AGBL3: variants seen among roughly 807,000 people sequenced by gnomAD.
AGBL3 encodes the protein AGBL carboxypeptidase 3, also known as cytosolic carboxypeptidase 3.
Under a neutral mutation model 94.5 loss-of-function variants are expected in AGBL3, and 68 were observed. The observed-to-expected ratio is 0.72, with a 90% CI of 0.59 to 0.88. The LOEUF (loss-of-function observed/expected upper bound fraction) is 0.88, where lower values mean the gene tolerates loss of function less well. Among genes scored for constraint, AGBL3 ranks in the 40% least tolerant of loss-of-function variants. AGBL3 has a pLI of 0.00. For synonymous variants in AGBL3, 354 were observed against 370.7 expected (o/e 0.95, Z 0.52); for missense variants, 934 against 1,103.8 (o/e 0.85, Z 2.18).
intron 8 of AGBL3, among the ~76,000 whole-genome samples, chr7:135,043,713 C>T (rs1020486672): frequency 4.6e-5 from 7 of 151,962 alleles, no homozygotes; most frequent in African/African-American, 1.7e-4. Context: ...TATAAACTTA[C>T]TATGTACCCA....
At chr7:135,017,589 A>C (rs944160750) in intron 5 of AGBL3, among the ~76,000 whole-genome samples, 2 of 152,180 alleles carry the variant, frequency 1.3e-5, no homozygotes, top group Non-Finnish European at 2.9e-5. Flanking sequence ...CAACTGCCCC[A>C]CTTTGCAAAA....
At chr7:135,111,871 T>A (rs1481335682) in intron 15 of AGBL3, among the ~76,000 whole-genome samples, 1 of 152,214 alleles carries the variant, frequency 6.6e-6, no homozygotes, top group Admixed American at 6.5e-5. Context: ...TCATATTTTT[T>A]AATCTTCAGT....
chr7:135,093,903 G>C (rs1822242801), intron 15 of AGBL3: 1 of 157,728 alleles, frequency 6.3e-6, no homozygotes, highest in African/African-American at 2.4e-5. Flanking sequence ...TAAACATATA[G>C]ATAAATGAAA....
At chr7:135,024,322 G>C (rs1814848500) in intron 5 of AGBL3, among the ~76,000 whole-genome samples, 1 of 152,176 alleles carries the variant, frequency 6.6e-6, no homozygotes, top group Admixed American at 6.5e-5. Flanking sequence ...GAGCTTCTCT[G>C]CTGGCCATTA....
chr7:135,017,980 G>GA (rs1037149188), intron 5 of AGBL3, among the ~76,000 whole-genome samples: 8 of 152,238 alleles, frequency 5.3e-5, no homozygotes, highest in Admixed American at 3.3e-4. Context: ...ATCTGATTTA[G>GA]AAAAAACTAA....
chr7:135,125,374 A>T (rs371590889), intron 16 of AGBL3, among the ~76,000 whole-genome samples: 1 of 152,186 alleles, frequency 6.6e-6, no homozygotes, highest in African/African-American at 2.4e-5. Flanking sequence ...GACCAATAGC[A>T]AGTTCTGAAA....
At chr7:135,074,880 G>A (rs1425465124) in intron 12 of AGBL3, among the ~76,000 whole-genome samples, 2 of 152,166 alleles carry the variant, frequency 1.3e-5, no homozygotes, top group East Asian at 3.9e-4. Flanking sequence ...GTCAGATATT[G>A]ATTATGTGCC....
At chr7:134,995,112 G>C (rs1810837505) in intron 4 of AGBL3, 1 of 152,090 alleles carries the variant, frequency 6.6e-6, no homozygotes, top group South Asian at 2.1e-4. Flanking sequence ...CTGTTTCCTA[G>C]CCTCCTCATG....
intron 15 of AGBL3, among the ~76,000 whole-genome samples, chr7:135,099,727 C>T (rs758389676): frequency 6.6e-6 from 1 of 152,098 alleles, no homozygotes; most frequent in Non-Finnish European, 1.5e-5. Context: ...TACATAGTAT[C>T]TGTGACTAGG....
chr7:135,086,102 G>A (rs1400444742), intron 15 of AGBL3, among the ~76,000 whole-genome samples: 3 of 151,880 alleles, frequency 2.0e-5, no homozygotes, highest in Non-Finnish European at 4.4e-5. Flanking sequence ...TATTGTAAAT[G>A]GGATTGTTTT....
intron 11 of AGBL3, among the ~76,000 whole-genome samples, chr7:135,058,104 A>T (rs1292640170): frequency 1.3e-5 from 2 of 152,192 alleles, no homozygotes; most frequent in South Asian, 2.1e-4. Context: ...AGTGTTGTTT[A>T]ATCAATTGTA....
In AGBL3 at chr7:135,135,238, C is replaced by G; in HGVS notation, c.2740C>G (p.Leu914Val). ...GAATGATGGACAACCCACCTTATAT[C>G]TGAAGTTCCAAAGGGAGAGTTAATC... ...NKNDGQPTLY[L>V]KFQRES The change falls in exon 17 of 17, where the codon CTG becomes GTG. Residue 914 changes from leucine (L) to valine (V), a missense_variant. Coordinates refer to ENST00000436302, the MANE Select transcript of AGBL3 (RefSeq NM_178563.4). 1 of 1,529,100 alleles carries G rather than the reference C, an allele frequency of 6.5e-7. No homozygotes were observed. The highest frequency in any genetic ancestry group is 8.8e-7 in the Non-Finnish European group (1 of 1,137,558). The allele number at this position is 1,529,100 out of a possible 1,614,324, so 94.7% of individuals were successfully genotyped here.
intron 12 of AGBL3, among the ~76,000 whole-genome samples, chr7:135,063,669 T>A (rs1462208663): frequency 1.3e-5 from 2 of 152,212 alleles, no homozygotes; most frequent in Non-Finnish European, 2.9e-5. Context: ...AATTTCCATG[T>A]TCTTGTGAAT....
intron 7 of AGBL3, among the ~76,000 whole-genome samples, chr7:135,035,910 T>C (rs890347262): frequency 1.3e-5 from 2 of 152,092 alleles, no homozygotes; most frequent in African/African-American, 4.8e-5. Context: ...GTAACTATCA[T>C]TTAGTGGCTT....
intron 12 of AGBL3, among the ~76,000 whole-genome samples, chr7:135,061,208 A>G (rs1818813199): frequency 6.6e-6 from 1 of 152,032 alleles, no homozygotes; most frequent in Admixed American, 6.6e-5. Context: ...ACAAGTATCT[A>G]TTCAGAGCCT....
chr7:134,990,965 G>T (rs142464535), intron 3 of AGBL3, among the ~76,000 whole-genome samples: 28 of 152,206 alleles, frequency 1.8e-4, no homozygotes, highest in African/African-American at 6.3e-4. Flanking sequence ...AATCCAGTTA[G>T]GTTGAAGCAA....
At chr7:135,030,172 A>T (rs1287050304) in intron 5 of AGBL3, among the ~76,000 whole-genome samples, 2 of 151,236 alleles carry the variant, frequency 1.3e-5, no homozygotes, top group Non-Finnish European at 2.9e-5. Context: ...AAAAAAAAAA[A>T]AAAAGAAAGA....
At position 134,993,681 on chromosome 7, in the gene AGBL3, A is replaced by T; in HGVS notation, c.310+3A>T. ...CGATGAAAAAGTCCAGCATATTGGT[A>T]TGTTTTTAGCAGTTTGGGGGATTCA... On this transcript the variant is annotated splice_donor_region_variant and intron_variant, in intron 4 of 16. Transcript: ENST00000436302. 1 of 1,544,918 alleles carries T rather than the reference A, an allele frequency of 6.5e-7. No homozygotes were observed. Among genetic ancestry groups the T allele is most frequent in the East Asian group, 2.5e-5 (1 of 40,658 alleles).
chr7:135,051,368 T>A (rs1028931865), intron 11 of AGBL3, among the ~76,000 whole-genome samples: 3 of 152,048 alleles, frequency 2.0e-5, no homozygotes, highest in African/African-American at 7.2e-5. Context: ...AATGCTCAAA[T>A]TTTCCCAAAC....
Sources: allele counts gnomAD v4.1 joint callset (sites outside exome capture counted in the v4.1 genomes callset), GRCh38; gene constraint gnomAD v4.1.1; transcripts MANE v1.5; gene names NCBI Gene and HGNC (gene_info 2026-07-23, HGNC 2026-07-21).